The following IFNGR2 variants were observed in gnomAD, a reference collection of about 807,000 sequenced individuals.
IFNGR2 encodes the protein IFN-gamma receptor 2.
IFNGR2 carries 15 observed loss-of-function variants against 41.1 expected under a neutral mutation model. The ratio of observed to expected loss-of-function variants is 0.37; its 90% CI spans 0.24 to 0.56. IFNGR2 has a LOEUF of 0.56. Among genes scored for constraint, IFNGR2 ranks in the 20% least tolerant of loss-of-function variants. The pLI is 0.81. For missense variants in IFNGR2, 362 were observed against 415.7 expected, an observed-to-expected ratio of 0.87 and a Z score of 1.12; for synonymous variants, 161 against 171.6, an observed-to-expected ratio of 0.94 and a Z score of 0.48.
intron 3 of IFNGR2, among the ~76,000 whole-genome samples, chr21:33,423,036 C>CTTTTTTTTTTTTTTTTTTTTTTTTTTTT (rs1158807047): frequency 8.5e-6 from 1 of 117,372 alleles, no homozygotes. Flanking sequence ...CTTCCCTCTA[C>CTTTTTTTTTTTTTTTTTTTTTTTTTTTT]TTTTTTTTTT....
At chr21:33,403,192 G>T (rs1407343868), upstream of IFNGR2, 2 of 152,892 alleles carry the variant, frequency 1.3e-5, no homozygotes, top group African/African-American at 4.8e-5. Flanking sequence ...CCCGAAGGTG[G>T]GCGTCCCGCG....
chr21:33,413,155 T>C (rs945180490), intron 1 of IFNGR2, among the ~76,000 whole-genome samples: 2 of 152,176 alleles, frequency 1.3e-5, no homozygotes, highest in Non-Finnish European at 2.9e-5. Flanking sequence ...TGAGGGAGCA[T>C]TGACCTGCCA....
chr21:33,424,943 C>T (rs1295111212), intron 3 of IFNGR2, among the ~76,000 whole-genome samples: 2 of 151,898 alleles, frequency 1.3e-5, no homozygotes, highest in African/African-American at 4.8e-5. Flanking sequence ...GAGTTTCACT[C>T]TTGTCACCCG....
At chr21:33,431,946 T>C (rs1466256068) in intron 4 of IFNGR2, among the ~76,000 whole-genome samples, 2 of 152,256 alleles carry the variant, frequency 1.3e-5, no homozygotes, top group African/African-American at 4.8e-5. Flanking sequence ...ATGGGCACTC[T>C]GAGACCTCAC....
intron 1 of IFNGR2, among the ~76,000 whole-genome samples, chr21:33,406,697 C>T (rs1338695578): frequency 6.7e-6 from 1 of 148,756 alleles, no homozygotes; most frequent in South Asian, 2.1e-4. Flanking sequence ...GCCCAGGCTG[C>T]AGTGCAGTGG....
At chr21:33,403,654 G>T in intron 1 of IFNGR2, 38 bp downstream of exon 1, 1 of 1,275,534 alleles carries the variant, frequency 7.8e-7, no homozygotes, top group Non-Finnish European at 9.9e-7. Context: ...GGACGCGGGC[G>T]CAGCCGCAGC....
intron 4 of IFNGR2, among the ~76,000 whole-genome samples, chr21:33,428,547 G>A (rs1177629380): frequency 1.3e-5 from 2 of 152,116 alleles, no homozygotes; most frequent in African/African-American, 2.4e-5. Flanking sequence ...TCATTATGGG[G>A]AATATGAAAC....
In IFNGR2 at chr21:33,432,235, T is replaced by C. The variant is rs1370543073; in HGVS notation, c.620T>C (p.Val207Ala). 1 of 1,613,922 alleles carries C rather than the reference T, an allele frequency of 6.2e-7. No homozygotes were observed. Among genetic ancestry groups the C allele is most frequent in the Non-Finnish European group, 8.5e-7 (1 of 1,179,820 alleles). The part of the protein sequence containing the change: ...ISLDNLKPSR[V>A]YCLQVQAQLL... ...TTGGATAACTTAAAACCCTCCAGAG[T>C]GTACTGTTTACAAGTCCAGGCACAA... Residue 207 changes from valine to alanine, a missense_variant, in exon 5 of 7, where the codon GTG (valine) becomes GCG (alanine). Transcript: ENST00000290219.
At chr21:33,425,908 T>C (rs1247356051) in intron 3 of IFNGR2, among the ~76,000 whole-genome samples, 1 of 152,222 alleles carries the variant, frequency 6.6e-6, no homozygotes, top group Admixed American at 6.6e-5. Context: ...TTGTGTAAAA[T>C]GTGCAGACAT....
At chr21:33,431,934 C>A (rs2083891897) in intron 4 of IFNGR2, among the ~76,000 whole-genome samples, 1 of 152,234 alleles carries the variant, frequency 6.6e-6, no homozygotes, top group South Asian at 2.1e-4. Context: ...CTAGTTACTA[C>A]AATGGGCACT....
chr21:33,403,228 G>A (rs2123321745), upstream of IFNGR2: 1 of 154,618 alleles, frequency 6.5e-6, no homozygotes, highest in East Asian at 1.9e-4. Flanking sequence ...GGACGTTCCG[G>A]GAGGCTCCGC....
Position 33,421,648 on chromosome 21 carries a change from C to T in IFNGR2, c.375C>T (p.Ala125=), listed in dbSNP as rs761956946. The T allele has an allele frequency of 9.3e-6, 15 of 1,614,032 alleles. No individual in the cohort carries two copies. Among genetic ancestry groups the T allele is most frequent in the Non-Finnish European group, 1.1e-5 (13 of 1,179,998 alleles). The change falls in exon 3 of 7, where the codon GCC becomes GCT. Residue 125 remains alanine, a synonymous_variant. Coordinates refer to ENST00000290219, the MANE Select transcript of IFNGR2 (RefSeq NM_005534.4). The part of the protein sequence containing the change: ...LRAELGALHS[A]WVTMPWFQHY... Reference sequence around the variant, plus strand: ...CTGAGCTGGGAGCACTCCATTCTGCCTGGGTGACAATGCCTTGGTTTCAAC... The same window carrying T: ...CTGAGCTGGGAGCACTCCATTCTGCTTGGGTGACAATGCCTTGGTTTCAAC...
Position 33,432,311 on chromosome 21 carries a change from A to T in IFNGR2, c.696A>T (p.Ile232=), listed in dbSNP as rs1165714624. Residue 232 remains isoleucine (I), a synonymous_variant, in exon 5 of 7, where the codon ATA becomes ATT. Coordinates refer to ENST00000290219, the MANE Select transcript of IFNGR2 (RefSeq NM_005534.4). The part of the protein sequence containing the change: ...NIFRVGHLSN[I]SCYETMADAS... The stretch of plus-strand genomic sequence containing the variant: ...TTAGAGTCGGGCATTTAAGCAACAT[A>T]TCTTGCTACGAAACAATGGCAGATG... 1.2e-6 allele frequency: 2 copies of T among 1,614,034 alleles called. No individual in the cohort carries two copies. Among genetic ancestry groups the T allele is most frequent in the African/African-American group, 2.7e-5 (2 of 74,932 alleles).
intron 4 of IFNGR2, among the ~76,000 whole-genome samples, chr21:33,428,345 C>T (rs2083858080): frequency 6.6e-6 from 1 of 151,980 alleles, no homozygotes; most frequent in Non-Finnish European, 1.5e-5. Flanking sequence ...CTTCAGCCAC[C>T]CGAGTAGCTG....
chr21:33,408,769 GAA>G (rs2083695527), intron 1 of IFNGR2, among the ~76,000 whole-genome samples: 2 of 152,178 alleles, frequency 1.3e-5, no homozygotes, highest in Non-Finnish European at 2.9e-5. Context: ...AAAAGTGCTA[GAA>G]TAGAAATATT....
At position 33,416,695 on chromosome 21, in the gene IFNGR2, G is replaced by A. The variant is rs12329712; in HGVS notation, c.206+1675G>A. 4.7e-4 allele frequency among the ~76,000 whole-genome samples: 71 copies of A among 151,624 alleles called. No homozygotes were observed. In the Middle Eastern group the frequency reaches 0.017, roughly 37 times the overall value. Reference sequence around the variant, plus strand: ...AAATTAGCTGGGTGTAGTGGCGGGCGCCTGTAGTCCCAGCTACTTGGGAGG... The same window carrying A: ...AAATTAGCTGGGTGTAGTGGCGGGCACCTGTAGTCCCAGCTACTTGGGAGG... On this transcript the variant is annotated intron_variant, in intron 2 of 6. Coordinates refer to ENST00000290219, the MANE Select transcript of IFNGR2 (RefSeq NM_005534.4).
chr21:33,422,370 T>C lies in IFNGR2; in HGVS notation c.412+685T>C, dbSNP rs75298073. Among the ~76,000 whole-genome samples, 45 of 152,334 alleles carry C rather than the reference T, an allele frequency of 3.0e-4. No homozygotes were observed. In the East Asian group the frequency reaches 8.5e-3, roughly 29 times the overall value. On this transcript the variant is annotated intron_variant, in intron 3 of 6. Coordinates refer to ENST00000290219, the MANE Select transcript of IFNGR2 (RefSeq NM_005534.4). Reference sequence around the variant, plus strand: ...TTATGCACACACAGGGCATGAAACTTACATGGATCTTGATTTAGACAAACT... The same window carrying C: ...TTATGCACACACAGGGCATGAAACTCACATGGATCTTGATTTAGACAAACT...
intron 4 of IFNGR2, among the ~76,000 whole-genome samples, chr21:33,427,516 G>C (rs2083848637): frequency 6.6e-6 from 1 of 152,152 alleles, no homozygotes. Context: ...AGAAGGCGTG[G>C]CATACGTGGA....
In IFNGR2 at chr21:33,436,996, G is replaced by C; in HGVS notation, c.*34G>C. On this transcript the variant is annotated 3_prime_UTR_variant, in exon 7 of 7. Transcript: ENST00000290219. ...ATGGGCCTAGCCCACTGGCTCCCTGGAAGAGATCAAGCCATCGGAGCTGCT... is the reference window on the plus strand; with the variant it reads ...ATGGGCCTAGCCCACTGGCTCCCTGCAAGAGATCAAGCCATCGGAGCTGCT... The C allele has an allele frequency of 1.2e-6, 2 of 1,612,490 alleles. No homozygotes were observed. Among genetic ancestry groups the C allele is most frequent in the Non-Finnish European group, 1.7e-6 (2 of 1,178,754 alleles).
Sources: allele counts gnomAD v4.1 joint callset (sites outside exome capture counted in the v4.1 genomes callset), GRCh38; gene constraint gnomAD v4.1.1; transcripts MANE v1.5; gene names NCBI Gene and HGNC (gene_info 2026-07-23, HGNC 2026-07-21).